Variants in COLEC10 observed in about 807,000 individuals in gnomAD.
COLEC10 encodes collectin subfamily member 10, also known as collectin-10.
A neutral mutation model predicts 28.4 loss-of-function variants in COLEC10; 22 were observed. The observed-to-expected ratio is 0.78, with a 90% CI of 0.55 to 1.11. The LOEUF (loss-of-function observed/expected upper bound fraction) is 1.11. Ranked by LOEUF, COLEC10 falls within the 50% of genes least tolerant of loss-of-function variation. The pLI is 0.00. For synonymous variants in COLEC10, 125 were observed against 116.1 expected, an observed-to-expected ratio of 1.08 and a Z score of -0.49; for missense variants, 361 against 344.1, an observed-to-expected ratio of 1.05 and a Z score of -0.39.
chr8:118,971,257 A>G, the COLEC10 span, among the ~76,000 whole-genome samples: 1 of 151,916 alleles, frequency 6.6e-6, no homozygotes, highest in Non-Finnish European at 1.5e-5. Context: ...TTGGCATGCT[A>G]GTTGGCATAG....
At chr8:119,057,430 A>C (rs1263738213) in intron 2 of COLEC10, among the ~76,000 whole-genome samples, 1 of 152,040 alleles carries the variant, frequency 6.6e-6, no homozygotes, top group African/African-American at 2.4e-5. Context: ...TAGGAAACAC[A>C]TCCTGAAAGA....
chr8:119,082,716 T>C (rs1335613636), intron 1 of COLEC10, among the ~76,000 whole-genome samples: 1 of 152,198 alleles, frequency 6.6e-6, no homozygotes, highest in South Asian at 2.1e-4. Flanking sequence ...TAATATTTCA[T>C]TGGCGAAGAC....
At chr8:119,103,761 G>A (rs1368475661) in intron 4 of COLEC10, 39 bp from the exon 5 acceptor site, 4 of 1,217,418 alleles carry the variant, frequency 3.3e-6, no homozygotes, top group South Asian at 1.2e-5. Context: ...TGGTCTGCAG[G>A]TACTTCAACA....
intron 1 of COLEC10, among the ~76,000 whole-genome samples, chr8:119,085,700 C>G (rs1011337754): frequency 1.3e-5 from 2 of 148,934 alleles, no homozygotes; most frequent in African/African-American, 4.9e-5. Flanking sequence ...CAAACTGCAA[C>G]CTCTGCCTCC....
intron 1 of COLEC10, among the ~76,000 whole-genome samples, chr8:119,070,286 C>G (rs1047433544): frequency 2.0e-5 from 3 of 152,234 alleles, no homozygotes; most frequent in African/African-American, 7.2e-5. Flanking sequence ...TTAACAAATT[C>G]TATTTTATCT....
the COLEC10 span, among the ~76,000 whole-genome samples, chr8:118,980,125 C>T: frequency 6.6e-6 from 1 of 151,836 alleles, no homozygotes; most frequent in South Asian, 2.1e-4. Context: ...GGTTAGACAA[C>T]CATTAAGGAT....
chr8:119,102,494 C>T, intron 4 of COLEC10, 93 bp downstream of exon 4: 1 of 1,075,762 alleles, frequency 9.3e-7, no homozygotes, highest in Non-Finnish European at 1.4e-6. Context: ...AAGCAAGAGT[C>T]CTTTTAGTAT....
chr8:119,067,125 TAAAC>T (rs1051452571), upstream of COLEC10: 6 of 645,064 alleles, frequency 9.3e-6, no homozygotes, highest in East Asian at 5.6e-5. Flanking sequence ...ACTGAGAAAA[TAAAC>T]AACCTAGGGT....
chr8:119,096,998 G>A (rs1815732408), intron 3 of COLEC10, among the ~76,000 whole-genome samples: 1 of 151,944 alleles, frequency 6.6e-6, no homozygotes, highest in African/African-American at 2.4e-5. Context: ...CAGTATTGGG[G>A]AAAATATTCT....
chr8:119,020,098 T>C (rs1037241257), intron 2 of COLEC10, among the ~76,000 whole-genome samples: 3 of 152,176 alleles, frequency 2.0e-5, no homozygotes, highest in Non-Finnish European at 2.9e-5. Flanking sequence ...GACTTATTCA[T>C]AGCCTGGCCT....
chr8:119,015,432 C>T (rs1293161546), intron 2 of COLEC10, among the ~76,000 whole-genome samples: 1 of 147,330 alleles, frequency 6.8e-6, no homozygotes, highest in Non-Finnish European at 1.5e-5. Flanking sequence ...TGAATAGTTT[C>T]TGCTGAAGGC....
At chr8:119,024,330 T>C (rs1814150378) in intron 2 of COLEC10, among the ~76,000 whole-genome samples, 1 of 152,130 alleles carries the variant, frequency 6.6e-6, no homozygotes, top group Non-Finnish European at 1.5e-5. Flanking sequence ...GAAAAAAACG[T>C]ACTTTAAAAT....
chr8:119,042,403 AATTTATTTATTT>A lies in COLEC10; in HGVS notation n.235+32867_235+32878del, dbSNP rs10568806. On this transcript the variant is annotated intron_variant and non_coding_transcript_variant, in intron 2 of 6. Coordinates refer to the COLEC10 transcript ENST00000521788. ...GTTTCTCTAAGCTTTTATTTAACTT[AATTTATTTATTT>A]ATTTATTTATTTATTTGTAAATAGC... Among the ~76,000 whole-genome samples the A allele has an allele frequency of 3.3e-3, 492 of 150,646 alleles. 1 individual carries two copies. Among genetic ancestry groups the A allele is most frequent in the African/African-American group, 0.011 (445 of 40,910 alleles).
the COLEC10 span, among the ~76,000 whole-genome samples, chr8:118,986,434 G>A: frequency 2.0e-4 from 31 of 152,130 alleles, no homozygotes; most frequent in African/African-American, 6.5e-4. Context: ...GAAAACCAAC[G>A]TCCAACCATT....
chr8:119,035,593 T>A (rs1814375733), intron 2 of COLEC10, among the ~76,000 whole-genome samples: 1 of 152,186 alleles, frequency 6.6e-6, no homozygotes, highest in South Asian at 2.1e-4. Flanking sequence ...CTTCTTTGGT[T>A]CATCTTTGAG....
the COLEC10 span, among the ~76,000 whole-genome samples, chr8:118,980,113 A>G: frequency 6.6e-6 from 1 of 152,132 alleles, no homozygotes; most frequent in Non-Finnish European, 1.5e-5. Context: ...ATGAGTCAAT[A>G]AGGTTAGACA....
intron 3 of COLEC10, among the ~76,000 whole-genome samples, chr8:119,093,271 G>A (rs957142933): frequency 3.3e-5 from 5 of 152,130 alleles, no homozygotes; most frequent in African/African-American, 1.2e-4. Context: ...CTCATCCTGT[G>A]GCTCAGTACT....
intron 5 of COLEC10, among the ~76,000 whole-genome samples, chr8:119,104,111 T>C (rs1815893759): frequency 1.3e-5 from 2 of 152,176 alleles, no homozygotes; most frequent in East Asian, 1.9e-4. Flanking sequence ...GCATTGCTTA[T>C]GGGAAGAGAA....
intron 1 of COLEC10, among the ~76,000 whole-genome samples, chr8:119,078,060 C>A (rs1815289397): frequency 1.3e-5 from 2 of 152,156 alleles, no homozygotes; most frequent in South Asian, 4.1e-4. Context: ...AGAGTGAGAA[C>A]CCACTCATTA....
Sources: gnomAD v4.1 joint callset for allele counts (sites outside exome capture counted in the v4.1 genomes callset) on GRCh38, gnomAD v4.1.1 for gene constraint, MANE v1.5 for transcripts, NCBI Gene and HGNC (gene_info 2026-07-23, HGNC 2026-07-21) for gene names.